AIRIM: variants seen among roughly 807,000 people sequenced by gnomAD.
AIRIM encodes AFG2 interacting ribosome maturation factor, also known as AFG2-interacting ribosome maturation factor.
the AIRIM span, chr1:37,689,889 G>A: frequency 3.3e-6 from 5 of 1,534,846 alleles, no homozygotes; most frequent in African/African-American, 2.8e-5. Context: ...ATCTTCTGCT[G>A]AAAAAGATAA....
chr1:37,689,143 C>T, the AIRIM span, among the ~76,000 whole-genome samples: 7 of 152,108 alleles, frequency 4.6e-5, no homozygotes, highest in Non-Finnish European at 1.0e-4. Flanking sequence ...CCAGCTCTAC[C>T]CTTTTCTAGC....
At chr1:37,687,264 A>ATTACAG in the AIRIM span, among the ~76,000 whole-genome samples, 18 of 151,358 alleles carry the variant, frequency 1.2e-4, no homozygotes, top group African/African-American at 3.9e-4. Flanking sequence ...AGTAGCTGGG[A>ATTACAG]TTACAGGCAT....
chr1:37,691,999 GC>G, the AIRIM span: 2 of 153,538 alleles, frequency 1.3e-5, no homozygotes, highest in African/African-American at 4.8e-5. Context: ...CCCTGCCGGG[GC>G]TGCTCTGTCT....
At chr1:37,685,890 G>A in the AIRIM span, among the ~76,000 whole-genome samples, 1 of 151,990 alleles carries the variant, frequency 6.6e-6, no homozygotes, top group Non-Finnish European at 1.5e-5. Context: ...TAGCCACATA[G>A]CTCTTTCCCT....
the AIRIM span, chr1:37,690,203 C>T: frequency 7.6e-6 from 9 of 1,190,090 alleles, no homozygotes; most frequent in Non-Finnish European, 1.0e-5. Flanking sequence ...TTTTAGTAGA[C>T]GGGGTTCCTG....
chr1:37,687,185 T>C, the AIRIM span, among the ~76,000 whole-genome samples: 24 of 151,724 alleles, frequency 1.6e-4, no homozygotes, highest in African/African-American at 5.8e-4. Context: ...TGGAGTGCAA[T>C]GGTGCGATCT....
the AIRIM span, among the ~76,000 whole-genome samples, chr1:37,688,880 C>T: frequency 4.0e-5 from 6 of 150,242 alleles, no homozygotes; most frequent in African/African-American, 1.2e-4. Flanking sequence ...GTGGGAGGAT[C>T]GCTTGAACCA....
chr1:37,689,999 C>G, the AIRIM span: 2 of 1,435,428 alleles, frequency 1.4e-6, no homozygotes, highest in South Asian at 3.0e-5. Flanking sequence ...GGAGTTGTCT[C>G]ACCTCCAGAA....
At chr1:37,690,570 G>T in the AIRIM span, 2 of 998,320 alleles carry the variant, frequency 2.0e-6, no homozygotes, top group Non-Finnish European at 2.6e-6. Context: ...CCGCGGGCCT[G>T]CCTGGCTACT....
chr1:37,688,205 TGCCACGACA>T, the AIRIM span, among the ~76,000 whole-genome samples: 1 of 152,100 alleles, frequency 6.6e-6, no homozygotes, highest in Non-Finnish European at 1.5e-5. Flanking sequence ...TACAGGTGTG[TGCCACGACA>T]GCCAGTTAAC....
At chr1:37,686,223 A>G in the AIRIM span, 1 of 1,500,950 alleles carries the variant, frequency 6.7e-7, no homozygotes, top group Non-Finnish European at 8.9e-7. Flanking sequence ...CTGAAATTTG[A>G]AAGACTTAGA....
At chr1:37,691,930 C>T in the AIRIM span, 1 of 152,614 alleles carries the variant, frequency 6.6e-6, no homozygotes. Flanking sequence ...GCGCGCCCCC[C>T]CCAAAGCCTG....
At chr1:37,686,965 G>A in the AIRIM span, among the ~76,000 whole-genome samples, 3 of 151,982 alleles carry the variant, frequency 2.0e-5, no homozygotes, top group African/African-American at 4.8e-5. Context: ...CGGGAGGCAC[G>A]AGAATCACTT....
the AIRIM span, chr1:37,689,965 C>A: frequency 6.8e-7 from 1 of 1,465,738 alleles, no homozygotes; most frequent in South Asian, 1.4e-5. Flanking sequence ...GGGTGGGCGT[C>A]ATCTCTGTTA....
At chr1:37,683,487 G>A in the AIRIM span, 3 of 1,563,410 alleles carry the variant, frequency 1.9e-6, no homozygotes, top group Admixed American at 1.9e-5. Flanking sequence ...ATGCTGAAGT[G>A]AAAAAAAACA....
the AIRIM span, among the ~76,000 whole-genome samples, chr1:37,688,824 G>A: frequency 1.3e-5 from 2 of 151,878 alleles, no homozygotes; most frequent in Non-Finnish European, 2.9e-5. Context: ...AAATTAGCTG[G>A]GCATGGAAGT....
chr1:37,689,677 A>G, the AIRIM span: 618 of 1,613,914 alleles, frequency 3.8e-4, no homozygotes, highest in Non-Finnish European at 4.9e-4. Flanking sequence ...GCTCTTTTAA[A>G]TCTGGGAAGG....
chr1:37,682,142 C>T, the AIRIM span: 4 of 152,212 alleles, frequency 2.6e-5, no homozygotes, highest in African/African-American at 4.8e-5. Context: ...CTACATTTTA[C>T]ATTTTTTCTA....
chr1:37,685,375 C>A, the AIRIM span, among the ~76,000 whole-genome samples: 1 of 142,748 alleles, frequency 7.0e-6, no homozygotes, highest in South Asian at 2.3e-4. Context: ...ATGCCTGGCC[C>A]AAAATTCTTT....
Sources: gnomAD v4.1 joint callset for allele counts (sites outside exome capture counted in the v4.1 genomes callset) on GRCh38, gnomAD v4.1.1 for gene constraint, MANE v1.5 for transcripts, NCBI Gene and HGNC (gene_info 2026-07-23, HGNC 2026-07-21) for gene names.